MGAT4C: variants seen among roughly 807,000 people sequenced by gnomAD.
The protein encoded by MGAT4C is alpha-1,3-mannosyl-glycoprotein 4-beta-N-acetylglucosaminyltransferase C.
MGAT4C carries 19 observed loss-of-function variants against 40.1 expected under a neutral mutation model. The observed-to-expected ratio is 0.47, with a 90% CI of 0.33 to 0.70. The LOEUF is 0.70. Among genes scored for constraint, MGAT4C ranks in the 30% least tolerant of loss-of-function variants. The pLI is 0.02. For missense variants in MGAT4C, 491 were observed against 563.2 expected, an observed-to-expected ratio of 0.87 and a Z score of 1.30; for synonymous variants, 181 against 187.1, an observed-to-expected ratio of 0.97 and a Z score of 0.27.
At chr12:86,353,959 G>A (rs537774298) in intron 3 of MGAT4C, among the ~76,000 whole-genome samples, 172 of 152,250 alleles carry the variant, frequency 1.1e-3, no homozygotes, top group African/African-American at 4.1e-3. Flanking sequence ...GAAGAGGATG[G>A]AACTGGAGAA....
intron 1 of MGAT4C, among the ~76,000 whole-genome samples, chr12:86,192,316 A>G (rs192452484): frequency 1.3e-5 from 2 of 152,240 alleles, no homozygotes; most frequent in Admixed American, 1.3e-4. Context: ...GAAGAAATGG[A>G]ATCCTCAAAA....
intron 2 of MGAT4C, among the ~76,000 whole-genome samples, chr12:86,459,130 TAA>T (rs1302952651): frequency 1.3e-5 from 2 of 152,108 alleles, no homozygotes. Context: ...ATACAAAATA[TAA>T]GTTTTCAAAA....
At chr12:86,085,173 A>G (rs369883037) in intron 1 of MGAT4C, among the ~76,000 whole-genome samples, 1 of 151,880 alleles carries the variant, frequency 6.6e-6, no homozygotes, top group African/African-American at 2.4e-5. Context: ...AGTTATGGAC[A>G]GTTTCTTTTA....
chr12:86,777,130 C>T (rs1177195630), intron 1 of MGAT4C, among the ~76,000 whole-genome samples: 1 of 151,686 alleles, frequency 6.6e-6, no homozygotes, highest in African/African-American at 2.4e-5. Flanking sequence ...GTGATATAGC[C>T]CATTCTTTTA....
chr12:86,705,189 CTAAT>C (rs1470980201), intron 2 of MGAT4C, among the ~76,000 whole-genome samples: 1 of 151,320 alleles, frequency 6.6e-6, no homozygotes, highest in African/African-American at 2.4e-5. Flanking sequence ...TCTAAACTCT[CTAAT>C]TATCTATCTA....
At chr12:86,497,918 G>GTATATATA (rs1565804882) in intron 2 of MGAT4C, among the ~76,000 whole-genome samples, 4 of 139,132 alleles carry the variant, frequency 2.9e-5, no homozygotes, top group African/African-American at 1.1e-4. Flanking sequence ...ATATATATAC[G>GTATATATA]CACACACACA....
chr12:86,172,055 C>A (rs1271247202), intron 1 of MGAT4C, among the ~76,000 whole-genome samples: 1 of 152,150 alleles, frequency 6.6e-6, no homozygotes, highest in Non-Finnish European at 1.5e-5. Context: ...TCTTTTGAAC[C>A]TTTCCTCAAT....
chr12:86,050,373 G>A (rs1282322363), intron 1 of MGAT4C, among the ~76,000 whole-genome samples: 1 of 152,020 alleles, frequency 6.6e-6, no homozygotes, highest in African/African-American at 2.4e-5. Context: ...ATTCTCTAAA[G>A]ATAACATGCC....
chr12:86,225,044 C>G (rs1951023845), intron 1 of MGAT4C, among the ~76,000 whole-genome samples: 1 of 151,520 alleles, frequency 6.6e-6, no homozygotes, highest in Non-Finnish European at 1.5e-5. Context: ...ACTAGCTAGA[C>G]TAACCAAGAA....
chr12:86,253,893 G>A (rs984592483), intron 1 of MGAT4C, among the ~76,000 whole-genome samples: 2 of 151,894 alleles, frequency 1.3e-5, no homozygotes, highest in Non-Finnish European at 2.9e-5. Context: ...ATATACAAAA[G>A]AGTATTATTT....
chr12:86,635,484 G>A (rs1316767679), intron 2 of MGAT4C, among the ~76,000 whole-genome samples: 1 of 151,978 alleles, frequency 6.6e-6, no homozygotes, highest in East Asian at 1.9e-4. Flanking sequence ...GTGGGTGAGT[G>A]CCCGAATGCT....
intron 1 of MGAT4C, among the ~76,000 whole-genome samples, chr12:86,819,007 T>C (rs1474455835): frequency 2.0e-5 from 3 of 151,052 alleles, no homozygotes; most frequent in Non-Finnish European, 3.0e-5. Context: ...GATGGGAATA[T>C]AATCTCACAC....
At chr12:86,357,646 A>G (rs989979329) in intron 3 of MGAT4C, among the ~76,000 whole-genome samples, 1 of 152,184 alleles carries the variant, frequency 6.6e-6, no homozygotes, top group African/African-American at 2.4e-5. Flanking sequence ...GACCTGATGG[A>G]GCTGAAAACC....
rs866608247 is a variant in MGAT4C, at chr12:86,639,984, T to C, written c.-229+87225A>G. On this transcript the variant is annotated intron_variant, in intron 2 of 7. Coordinates refer to the MGAT4C transcript ENST00000548651. ...CTTCTAAATTATGAAACATCATATA[T>C]ATATAGTTACACTTATTTTTTCAAA... 2.8e-4 allele frequency among the ~76,000 whole-genome samples: 43 copies of C among 151,840 alleles called. No individual in the cohort carries two copies. In the Middle Eastern group the frequency reaches 0.01, roughly 36 times the overall value.
chr12:86,003,706 A>G (rs1271097506), intron 2 of MGAT4C, among the ~76,000 whole-genome samples: 1 of 152,108 alleles, frequency 6.6e-6, no homozygotes, highest in Non-Finnish European at 1.5e-5. Context: ...CTCACTAAAT[A>G]TCTAGGTCAT....
At chr12:85,997,506 A>G (rs933912515) in intron 2 of MGAT4C, among the ~76,000 whole-genome samples, 2 of 152,362 alleles carry the variant, frequency 1.3e-5, no homozygotes, top group African/African-American at 4.8e-5. Context: ...CCTTCAGCCT[A>G]TGAGACTGTA....
At chr12:86,619,079 CTT>C (rs1962555819) in intron 2 of MGAT4C, among the ~76,000 whole-genome samples, 1 of 151,980 alleles carries the variant, frequency 6.6e-6, no homozygotes, top group Admixed American at 6.6e-5. Context: ...CTAGAGATGA[CTT>C]AATGTACATG....
chr12:86,505,652 C>T (rs1958458823), intron 2 of MGAT4C, among the ~76,000 whole-genome samples: 1 of 152,192 alleles, frequency 6.6e-6, no homozygotes, highest in Non-Finnish European at 1.5e-5. Context: ...AGTTATTTAA[C>T]ACATTTAATA....
At chr12:86,195,589 C>G (rs1378708715) in intron 1 of MGAT4C, among the ~76,000 whole-genome samples, 1 of 152,148 alleles carries the variant, frequency 6.6e-6, no homozygotes, top group African/African-American at 2.4e-5. Context: ...CCTGAAAAGA[C>G]AGCACTGATT....
Sources: gnomAD v4.1 joint callset for allele counts (sites outside exome capture counted in the v4.1 genomes callset) on GRCh38, gnomAD v4.1.1 for gene constraint, MANE v1.5 for transcripts, NCBI Gene and HGNC (gene_info 2026-07-23, HGNC 2026-07-21) for gene names.